Variants in SHB observed in about 807,000 individuals in gnomAD.
The protein encoded by SHB is SH2 domain containing adaptor protein B, also known as SH2 domain-containing adapter protein B.
Under a neutral mutation model 52.3 loss-of-function variants are expected in SHB, and 20 were observed. The observed-to-expected ratio is 0.38, with a 90% CI of 0.27 to 0.56. The LOEUF is 0.56. Among genes scored for constraint, SHB ranks in the 20% least tolerant of loss-of-function variants. The pLI, the probability that SHB is intolerant of heterozygous loss-of-function variation, is 0.71. For missense variants in SHB, 825 were observed against 723.3 expected (o/e 1.14, Z -1.61); for synonymous variants, 397 against 316.5 (o/e 1.25, Z -2.70).
chr9:38,032,233 T>C (rs1185110444), intron 1 of SHB, among the ~76,000 whole-genome samples: 4 of 152,216 alleles, frequency 2.6e-5, no homozygotes, highest in South Asian at 2.1e-4. Context: ...TCATCGTATT[T>C]CATCCTTCCT....
At chr9:38,027,556 G>A (rs991286062) in intron 1 of SHB, among the ~76,000 whole-genome samples, 3 of 151,636 alleles carry the variant, frequency 2.0e-5, no homozygotes, top group African/African-American at 7.3e-5. Flanking sequence ...ACTTACCGGG[G>A]ACAGGGAAAA....
Position 38,067,958 on chromosome 9 carries a change from C to T in SHB, c.688G>A (p.Glu230Lys), listed in dbSNP as rs918729197. The stretch of plus-strand genomic sequence containing the variant: ...TCCTTCTTGCCGGCCCCGCTCTCCT[C>T]CGCGGCTGAGGCGGCGCACTTGTTG... ...LLNKCAASAAEESGAGKKDKV... is the reference protein window; with the variant it reads ...LLNKCAASAAKESGAGKKDKV... Residue 230 changes from glutamate (E) to lysine (K), a missense_variant, in exon 1 of 6, where the codon GAG (glutamate) becomes AAG (lysine). By Grantham distance (56) the Glu-to-Lys change is moderately conservative. Transcript: ENST00000377707. The T allele has an allele frequency of 4.1e-5, 63 of 1,552,102 alleles. No individual in the cohort carries two copies. The highest frequency in any genetic ancestry group is 1.1e-4 in the Admixed American group (6 of 54,266).
chr9:37,987,636 G>A (rs932304886), intron 2 of SHB, among the ~76,000 whole-genome samples: 2 of 152,336 alleles, frequency 1.3e-5, no homozygotes, highest in Admixed American at 6.5e-5. Context: ...CAGGGTCACT[G>A]GAGTAATCTC....
intron 2 of SHB, among the ~76,000 whole-genome samples, chr9:38,010,701 G>A (rs765558196): frequency 2.6e-4 from 39 of 152,302 alleles, no homozygotes; most frequent in Middle Eastern, 3.4e-3. Flanking sequence ...GACCACTCCA[G>A]GTCCATGCCT....
At chr9:38,044,628 C>T (rs1229607726) in intron 1 of SHB, among the ~76,000 whole-genome samples, 1 of 152,246 alleles carries the variant, frequency 6.6e-6, no homozygotes, top group Non-Finnish European at 1.5e-5. Flanking sequence ...AGGCAGGCAG[C>T]ACAGGCCTGC....
chr9:37,959,581 A>G (rs1052501463), intron 3 of SHB, among the ~76,000 whole-genome samples: 1 of 152,168 alleles, frequency 6.6e-6, no homozygotes, highest in Non-Finnish European at 1.5e-5. Context: ...CTGCCAATAT[A>G]AATCTCTACA....
chr9:37,941,947 C>A (rs753025509), intron 5 of SHB, among the ~76,000 whole-genome samples: 2 of 152,218 alleles, frequency 1.3e-5, no homozygotes, highest in South Asian at 4.1e-4. Flanking sequence ...CCCACTCCCA[C>A]TGGCCCCTAA....
At chr9:37,924,342 A>C (rs1021628469) in intron 5 of SHB, among the ~76,000 whole-genome samples, 5 of 152,386 alleles carry the variant, frequency 3.3e-5, no homozygotes, top group African/African-American at 1.2e-4. Flanking sequence ...GCCGCCGAGC[A>C]GGGTGCGAGG....
At chr9:38,016,237 G>C in intron 1 of SHB, 106 bp from the exon 2 acceptor site, 1 of 1,292,356 alleles carries the variant, frequency 7.7e-7, no homozygotes, top group East Asian at 2.4e-5. Flanking sequence ...GGAGAGGCAG[G>C]GGAGGCAGGA....
At chr9:38,021,905 GGA>G (rs1282227230) in intron 1 of SHB, among the ~76,000 whole-genome samples, 5 of 152,226 alleles carry the variant, frequency 3.3e-5, no homozygotes, top group Non-Finnish European at 5.9e-5. Flanking sequence ...CTAAGGCAAA[GGA>G]GAGAGTGTCT....
At position 37,967,610 on chromosome 9, in the gene SHB, T is replaced by C. The variant is rs145267709; in HGVS notation, c.1054+7012A>G. ...AACCCCACACCTAATACAAAGCATGTACTCTGTACCCTCTATGTTCTCAAA... is the reference window on the plus strand; with the variant it reads ...AACCCCACACCTAATACAAAGCATGCACTCTGTACCCTCTATGTTCTCAAA... On this transcript the variant is annotated intron_variant, in intron 3 of 5. Coordinates refer to ENST00000377707, the MANE Select transcript of SHB (RefSeq NM_003028.3). Among the ~76,000 whole-genome samples the C allele has an allele frequency of 4.8e-3, 732 of 152,330 alleles. 8 individuals are homozygous for C. The highest frequency in any genetic ancestry group is 0.017 in the African/African-American group (707 of 41,564).
chr9:38,018,476 T>C (rs1219499713), intron 1 of SHB, among the ~76,000 whole-genome samples: 1 of 150,208 alleles, frequency 6.7e-6, no homozygotes, highest in Non-Finnish European at 1.5e-5. Context: ...GTTCCAGTTA[T>C]ACCTGCTGAC....
intron 5 of SHB, among the ~76,000 whole-genome samples, chr9:37,924,031 G>A (rs1211501364): frequency 6.6e-6 from 1 of 152,250 alleles, no homozygotes; most frequent in Middle Eastern, 3.2e-3. Flanking sequence ...AGCTTCAACA[G>A]GCTGCTATGC....
At chr9:38,056,030 C>T (rs1821811166) in intron 1 of SHB, among the ~76,000 whole-genome samples, 2 of 152,126 alleles carry the variant, frequency 1.3e-5, no homozygotes, top group Non-Finnish European at 1.5e-5. Context: ...GTGTAATAAG[C>T]GCATGGGTAT....
intron 1 of SHB, among the ~76,000 whole-genome samples, chr9:38,066,428 C>G (rs912846169): frequency 6.6e-6 from 1 of 152,206 alleles, no homozygotes; most frequent in Non-Finnish European, 1.5e-5. Flanking sequence ...TAAGACTGCA[C>G]GGAGCCTATC....
In SHB at chr9:37,916,350, A is replaced by AG. The variant is rs35675937; in HGVS notation, c.*3470dup. Among the ~76,000 whole-genome samples, 1 of 152,202 alleles carries AG rather than the reference A, an allele frequency of 6.6e-6. No individual in the cohort carries two copies. Among genetic ancestry groups the AG allele is most frequent in the South Asian group, 2.1e-4 (1 of 4,830 alleles). On this transcript the variant is annotated 3_prime_UTR_variant, in exon 6 of 6. Transcript: ENST00000377707. The stretch of plus-strand genomic sequence containing the variant: ...CAGGGCTTCTACCTGCACAGTCCCT[A>AG]GGGCTGCAAGAGCAAATGGGGACCC...
intron 2 of SHB, among the ~76,000 whole-genome samples, chr9:37,997,482 G>A (rs1820960184): frequency 6.6e-6 from 1 of 152,200 alleles, no homozygotes; most frequent in Non-Finnish European, 1.5e-5. Context: ...GAACCTGAGT[G>A]ATCGAAATAC....
intron 1 of SHB, among the ~76,000 whole-genome samples, chr9:38,021,146 C>T (rs1006140643): frequency 2.0e-5 from 3 of 150,646 alleles, no homozygotes; most frequent in Non-Finnish European, 4.4e-5. Flanking sequence ...GAGACCAGCC[C>T]GACCAACGTG....
At chr9:37,950,521 A>C (rs758272282) in intron 4 of SHB, among the ~76,000 whole-genome samples, 1 of 152,140 alleles carries the variant, frequency 6.6e-6, no homozygotes, top group Non-Finnish European at 1.5e-5. Flanking sequence ...CTCAAAATAC[A>C]TTCCTGTTTA....
Sources: gnomAD v4.1 joint callset for allele counts (sites outside exome capture counted in the v4.1 genomes callset) on GRCh38, gnomAD v4.1.1 for gene constraint, MANE v1.5 for transcripts, NCBI Gene and HGNC (gene_info 2026-07-23, HGNC 2026-07-21) for gene names.